The following DIAPH2 variants were observed in gnomAD, a reference collection of about 807,000 sequenced individuals.
The protein encoded by DIAPH2 is protein diaphanous homolog 2.
In DIAPH2, 35 loss-of-function variants were observed where a neutral mutation model predicts 92.7. The observed-to-expected ratio is 0.38, with a 90% CI of 0.29 to 0.50. The LOEUF is 0.50. DIAPH2 is among the 20% of genes least tolerant of loss of function. The pLI, the probability that DIAPH2 is intolerant of heterozygous loss-of-function variation, is 0.94. For synonymous variants in DIAPH2, 301 were observed against 280.4 expected, an observed-to-expected ratio of 1.07 and a Z score of -0.73; for missense variants, 701 against 819.5, an observed-to-expected ratio of 0.86 and a Z score of 1.77.
chrX:97,247,984 A>T (rs1602448083), intron 23 of DIAPH2, 145 bp downstream of exon 23: 1 of 531,672 alleles, frequency 1.9e-6, no homozygotes. Flanking sequence ...TATTAGTAGC[A>T]TAAATTTTGT....
At chrX:97,068,527 G>C (rs2066648151) in intron 17 of DIAPH2, among the ~76,000 whole-genome samples, 1 of 111,058 alleles carries the variant, frequency 9.0e-6, no homozygotes, top group Non-Finnish European at 1.9e-5. Flanking sequence ...AGATAAAGGT[G>C]ATTCAGAATA....
At chrX:96,982,206 C>G (rs933566000) in intron 17 of DIAPH2, among the ~76,000 whole-genome samples, 4 of 112,103 alleles carry the variant, frequency 3.6e-5, no homozygotes, top group African/African-American at 9.7e-5. Flanking sequence ...TGATTTCCCC[C>G]TGCTTCCTGG....
chrX:97,445,209 A>T (rs1444305303), intron 26 of DIAPH2, among the ~76,000 whole-genome samples: 1 of 111,322 alleles, frequency 9.0e-6, no homozygotes, highest in East Asian at 2.8e-4. Context: ...TGGCAGAGGA[A>T]GATGCAAAGC....
intron 17 of DIAPH2, among the ~76,000 whole-genome samples, chrX:97,017,661 T>C (rs1471202257): frequency 1.8e-5 from 2 of 112,489 alleles, no homozygotes; most frequent in Admixed American, 1.9e-4. Flanking sequence ...TGTGATCTTA[T>C]GGCGCAGCTC....
intron 10 of DIAPH2, among the ~76,000 whole-genome samples, chrX:96,932,309 A>G (rs779544318): frequency 7.6e-4 from 84 of 110,815 alleles, no homozygotes; most frequent in Middle Eastern, 4.6e-3. Context: ...ATTCCCCTCT[A>G]TTTATAATTG....
chrX:97,383,848 G>A (rs1373839185), intron 24 of DIAPH2, 61 bp from the exon 25 acceptor site: 8 of 1,018,482 alleles, frequency 7.9e-6, no homozygotes, highest in Non-Finnish European at 1.0e-5. Flanking sequence ...TCAAAACTGT[G>A]CAATGTCTCT....
chrX:97,165,750 G>T (rs1018936880), intron 22 of DIAPH2, among the ~76,000 whole-genome samples: 2 of 108,718 alleles, frequency 1.8e-5, no homozygotes, highest in African/African-American at 3.4e-5. Flanking sequence ...TGATCCTCCC[G>T]CCTCGGCCTG....
chrX:96,916,337 TG>T (rs2065503597), intron 7 of DIAPH2, 100 bp from the exon 8 acceptor site: 2 of 732,574 alleles, frequency 2.7e-6, no homozygotes, highest in African/African-American at 4.5e-5. Flanking sequence ...AACCTCATTG[TG>T]GGGGTATGGG....
chrX:97,198,522 GTACT>G (rs1247178745), intron 22 of DIAPH2, among the ~76,000 whole-genome samples: 2 of 110,853 alleles, frequency 1.8e-5, no homozygotes, highest in Non-Finnish European at 3.8e-5. Flanking sequence ...ATTTTAATTT[GTACT>G]TAATGTATTT....
At chrX:96,755,852 TTTTC>T (rs1176162207) in intron 3 of DIAPH2, among the ~76,000 whole-genome samples, 2 of 109,692 alleles carry the variant, frequency 1.8e-5, no homozygotes, top group East Asian at 5.7e-4. Flanking sequence ...TTTTTTTGCT[TTTTC>T]TTTCTTTCTT....
At chrX:97,233,973 C>T (rs1357041460) in intron 22 of DIAPH2, among the ~76,000 whole-genome samples, 1 of 110,267 alleles carries the variant, frequency 9.1e-6, no homozygotes, top group Admixed American at 9.8e-5. Flanking sequence ...ACATTTTACC[C>T]TCAGAAGGAT....
chrX:97,187,394 A>C (rs191399445), intron 22 of DIAPH2, among the ~76,000 whole-genome samples: 22 of 98,189 alleles, frequency 2.2e-4, no homozygotes, highest in Non-Finnish European at 4.2e-4. Context: ...TCCAACCTCA[A>C]CCTCCCTAGT....
intron 4 of DIAPH2, among the ~76,000 whole-genome samples, chrX:96,874,150 A>T (rs2065163121): frequency 9.0e-6 from 1 of 111,546 alleles, no homozygotes; most frequent in South Asian, 3.7e-4. Context: ...TAGTTGAAAG[A>T]AGTACTAGAT....
Position 96,723,705 on chromosome X carries a change from G to A in DIAPH2, c.133-12053G>A, listed in dbSNP as rs766646915. Among the ~76,000 whole-genome samples, 5 of 111,723 alleles carry A rather than the reference G, an allele frequency of 4.5e-5. No individual in the cohort carries two copies. The South Asian group carries it at 1.9e-3, about 42-fold the overall frequency. On this transcript the variant is annotated intron_variant, in intron 1 of 26. Coordinates refer to ENST00000324765, the MANE Select transcript of DIAPH2 (RefSeq NM_006729.5). ...CCATATGTTTCATCAGGGCTACGAA[G>A]GGCCCATGTATGTAGAAAACTTCAG...
chrX:97,256,784 C>T (rs1426281435), intron 23 of DIAPH2, among the ~76,000 whole-genome samples: 1 of 111,345 alleles, frequency 9.0e-6, no homozygotes, highest in Non-Finnish European at 1.9e-5. Flanking sequence ...TCTGCCTCAG[C>T]CTCCCGAGTA....
intron 14 of DIAPH2, among the ~76,000 whole-genome samples, chrX:96,946,884 A>G (rs766860134): frequency 8.9e-6 from 1 of 111,874 alleles, no homozygotes; most frequent in African/African-American, 3.2e-5. Flanking sequence ...CATCACCAAC[A>G]TTTAGAATGA....
At chrX:97,398,019 A>G (rs541311308) in intron 25 of DIAPH2, among the ~76,000 whole-genome samples, 6 of 112,450 alleles carry the variant, frequency 5.3e-5, no homozygotes, top group Admixed American at 2.8e-4. Context: ...CTCTCTTTCT[A>G]TTTGAAAACA....
At chrX:97,431,076 G>A (rs2070121881) in intron 26 of DIAPH2, among the ~76,000 whole-genome samples, 2 of 112,152 alleles carry the variant, frequency 1.8e-5, no homozygotes, top group Non-Finnish European at 3.8e-5. Context: ...TATTCATTTT[G>A]AAGGTAATGC....
chrX:97,073,796 C>A (rs1170513952), intron 18 of DIAPH2, among the ~76,000 whole-genome samples: 1 of 112,325 alleles, frequency 8.9e-6, no homozygotes, highest in Non-Finnish European at 1.9e-5. Context: ...TTACAATAAA[C>A]AAAACATCAT....
Sources: gnomAD v4.1 joint callset for allele counts (sites outside exome capture counted in the v4.1 genomes callset) on GRCh38, gnomAD v4.1.1 for gene constraint, MANE v1.5 for transcripts, NCBI Gene and HGNC (gene_info 2026-07-23, HGNC 2026-07-21) for gene names.